The following TSGA10 variants were observed in gnomAD, a reference collection of about 807,000 sequenced individuals.
TSGA10 encodes testis specific 10, also known as testis-specific gene 10 protein.
TSGA10 carries 43 observed loss-of-function variants against 96.6 expected under a neutral mutation model. That is an observed-to-expected ratio of 0.44 (90% CI 0.35 to 0.57). TSGA10 has a LOEUF of 0.57. Ranked by LOEUF, TSGA10 falls within the 20% of genes least tolerant of loss-of-function variation. TSGA10 has a pLI of 0.01. For missense variants in TSGA10, 703 were observed against 834.4 expected (o/e 0.84, Z 1.94); for synonymous variants, 229 against 269.9 (o/e 0.85, Z 1.48).
At chr2:99,003,630 A>G (rs1026330503) in intron 20 of TSGA10, among the ~76,000 whole-genome samples, 1 of 152,268 alleles carries the variant, frequency 6.6e-6, no homozygotes, top group African/African-American at 2.4e-5. Flanking sequence ...CAATCAAATT[A>G]GAACTCAGGA....
At chr2:99,021,957 A>C (rs140180298) in intron 17 of TSGA10, among the ~76,000 whole-genome samples, 89 of 152,280 alleles carry the variant, frequency 5.8e-4, no homozygotes, top group African/African-American at 2.1e-3. Flanking sequence ...ACATGCCATC[A>C]ATGATTTTTA....
intron 16 of TSGA10, among the ~76,000 whole-genome samples, chr2:99,040,976 C>G (rs2082131344): frequency 6.6e-6 from 1 of 152,236 alleles, no homozygotes; most frequent in South Asian, 2.1e-4. Flanking sequence ...CATGTCTGGA[C>G]AGGCCCAGGC....
intron 10 of TSGA10, among the ~76,000 whole-genome samples, chr2:99,093,204 C>A (rs540986478): frequency 5.3e-5 from 8 of 152,042 alleles, no homozygotes; most frequent in African/African-American, 1.4e-4. Context: ...ATCCAGCATC[C>A]CTTTATGATT....
chr2:99,032,165 ATTT>A (rs1279676317), intron 17 of TSGA10, among the ~76,000 whole-genome samples: 1 of 151,998 alleles, frequency 6.6e-6, no homozygotes, highest in African/African-American at 2.4e-5. Flanking sequence ...TGGCCTGCCC[ATTT>A]TTTTATTTAC....
chr2:99,053,353 CA>C lies in TSGA10; in HGVS notation c.1404+11585del, dbSNP rs199505766. On this transcript the variant is annotated intron_variant, in intron 16 of 20. Transcript: ENST00000393483. Reference sequence around the variant, plus strand: ...TCCTAAATACAAATTCAAAAATTTCCAAAAAAAAAAAAAATACTAGCAAACA... The same window carrying C: ...TCCTAAATACAAATTCAAAAATTTCCAAAAAAAAAAAAATACTAGCAAACA... Among the ~76,000 whole-genome samples, 1,051 of 116,376 alleles carry C rather than the reference CA, an allele frequency of 9.0e-3. 8 individuals are homozygous for C. Among genetic ancestry groups the C allele is most frequent in the African/African-American group, 0.019 (627 of 33,248 alleles). 76.3% of individuals were successfully genotyped at this position (116,376 alleles called of 152,430 possible).
chr2:99,071,601 T>C, intron 14 of TSGA10, 105 bp downstream of exon 14: 1 of 1,045,384 alleles, frequency 9.6e-7, no homozygotes, highest in Non-Finnish European at 1.4e-6. Context: ...AAGAAAAGGC[T>C]AGTTCCAGTG....
intron 10 of TSGA10, among the ~76,000 whole-genome samples, chr2:99,096,149 T>C (rs977750520): frequency 5.3e-5 from 8 of 152,246 alleles, no homozygotes; most frequent in African/African-American, 1.9e-4. Context: ...TAAAAACTAG[T>C]ATTTATTGAG....
At chr2:99,018,151 T>TA in intron 20 of TSGA10, 49 bp downstream of exon 20, 5 of 1,606,534 alleles carry the variant, frequency 3.1e-6, no homozygotes, top group Non-Finnish European at 4.3e-6. Flanking sequence ...TTCACTATAC[T>TA]AGATACTGCT....
Position 99,052,594 on chromosome 2 carries a change from C to T in TSGA10, c.1404+12345G>A, listed in dbSNP as rs529098979. Among the ~76,000 whole-genome samples, 329 of 151,836 alleles carry T rather than the reference C, an allele frequency of 2.2e-3. 1 individual carries two copies. The highest frequency in any genetic ancestry group is 3.4e-3 in the Middle Eastern group (1 of 294). On this transcript the variant is annotated intron_variant, in intron 16 of 20. Coordinates refer to ENST00000393483, the MANE Select transcript of TSGA10 (RefSeq NM_025244.4). ...TCTACTAAAAATACAAAAAATTAGC[C>T]GGGCGTGGTGGCAGGCGCCTGTAGT...
chr2:99,127,086 T>G lies in TSGA10; in HGVS notation c.-530A>C. On this transcript the variant is annotated 5_prime_UTR_variant, in exon 2 of 21. Coordinates refer to ENST00000393483, the MANE Select transcript of TSGA10 (RefSeq NM_025244.4). ...GTCGAGATGAATCTATCTTGGTTTCTCACTTCTTGTTCTAGCTGGAGAGTA... is the reference window on the plus strand; with the variant it reads ...GTCGAGATGAATCTATCTTGGTTTCGCACTTCTTGTTCTAGCTGGAGAGTA... 1 of 1,289,720 alleles carries G rather than the reference T, an allele frequency of 7.8e-7. No homozygotes were observed. Among genetic ancestry groups the G allele is most frequent in the Non-Finnish European group, 1.0e-6 (1 of 988,822 alleles). The allele number at this position is 1,289,720 out of a possible 1,614,324, so 79.9% of individuals were successfully genotyped here. A position where few individuals can be genotyped will look rare whatever the true frequency, so the allele number is the denominator to read the frequency against.
intron 17 of TSGA10, among the ~76,000 whole-genome samples, chr2:99,032,497 G>A (rs1348669682): frequency 6.6e-6 from 1 of 152,160 alleles, no homozygotes; most frequent in African/African-American, 2.4e-5. Flanking sequence ...CTTCAAAACT[G>A]CTTTGCCACT....
chr2:99,073,995 C>CTTTTT (rs2086298056), intron 12 of TSGA10, among the ~76,000 whole-genome samples: 10 of 36,134 alleles, frequency 2.8e-4, no homozygotes, highest in African/African-American at 9.0e-4. Flanking sequence ...GTTCCTGTTT[C>CTTTTT]TTTTCTTTTT....
rs1316975128 is a variant in TSGA10, at chr2:98,997,643, T to C, written c.*554A>G. On this transcript the variant is annotated 3_prime_UTR_variant, in exon 21 of 21. Transcript: ENST00000393483. ...ACTTAGTCTTTGAGTGGTACAATACTATAGGTTTTAAAACCCTGACAACAC... is the reference window on the plus strand; with the variant it reads ...ACTTAGTCTTTGAGTGGTACAATACCATAGGTTTTAAAACCCTGACAACAC... 6.6e-6 allele frequency: 1 copy of C among 152,274 alleles called. No individual in the cohort carries two copies. Among genetic ancestry groups the C allele is most frequent in the African/African-American group, 2.4e-5 (1 of 41,448 alleles). The allele number at this position is 152,274 out of a possible 1,614,324, so 9.4% of individuals were successfully genotyped here. A position where few individuals can be genotyped will look rare whatever the true frequency, so the allele number is the denominator to read the frequency against.
At chr2:99,143,300 C>T (rs1175364752) in intron 1 of TSGA10, among the ~76,000 whole-genome samples, 2 of 146,726 alleles carry the variant, frequency 1.4e-5, no homozygotes, top group South Asian at 4.5e-4. Context: ...CACTACTACG[C>T]CCAGCTTTTT....
At chr2:99,049,088 T>C (rs1248325500) in intron 16 of TSGA10, among the ~76,000 whole-genome samples, 1 of 152,152 alleles carries the variant, frequency 6.6e-6, no homozygotes, top group African/African-American at 2.4e-5. Context: ...CAACAGATGC[T>C]GGAGAGGATG....
rs374656369 is a variant in TSGA10, at chr2:99,018,326, C to T, written c.1946G>A (p.Arg649His). 32 of 1,613,910 alleles carry T rather than the reference C, an allele frequency of 2.0e-5. No individual in the cohort carries two copies. Among genetic ancestry groups the T allele is most frequent in the East Asian group, 2.2e-5 (1 of 44,886 alleles). The change falls in exon 20 of 21, where the codon CGC (arginine) becomes CAC (histidine). Residue 649 changes from arginine (R) to histidine (H), a missense_variant. Arg to His is a conservative substitution (Grantham distance 29). Coordinates refer to ENST00000393483, the MANE Select transcript of TSGA10 (RefSeq NM_025244.4). ...AGCATTACTTGAATAATTTTGGCGGCGAAGTTCTTGTACGGCCCTCTCCCT... is the reference window on the plus strand; with the variant it reads ...AGCATTACTTGAATAATTTTGGCGGTGAAGTTCTTGTACGGCCCTCTCCCT... ...FERERAVQEL[R>H]RQNYSSNAYH...
At chr2:99,069,890 T>C (rs2085723262) in intron 14 of TSGA10, among the ~76,000 whole-genome samples, 1 of 152,018 alleles carries the variant, frequency 6.6e-6, no homozygotes, top group African/African-American at 2.4e-5. Flanking sequence ...CAGGGAAATA[T>C]TTGCCTATGT....
intron 14 of TSGA10, among the ~76,000 whole-genome samples, chr2:99,070,363 A>C (rs941694029): frequency 3.9e-5 from 6 of 152,122 alleles, no homozygotes; most frequent in Non-Finnish European, 8.8e-5. Context: ...AACCCATGTG[A>C]ATCTTACTCG....
At chr2:99,114,325 T>C (rs1265897735) in intron 4 of TSGA10, among the ~76,000 whole-genome samples, 5 of 152,186 alleles carry the variant, frequency 3.3e-5, no homozygotes, top group South Asian at 2.1e-4. Flanking sequence ...CAACACACAC[T>C]GGAGTTCATA....
Sources: gnomAD v4.1 joint callset for allele counts (sites outside exome capture counted in the v4.1 genomes callset) on GRCh38, gnomAD v4.1.1 for gene constraint, MANE v1.5 for transcripts, NCBI Gene and HGNC (gene_info 2026-07-23, HGNC 2026-07-21) for gene names.